The following KCNQ5 variants were observed in gnomAD, a reference collection of about 807,000 sequenced individuals.
The protein encoded by KCNQ5 is potassium voltage-gated channel subfamily KQT member 5.
KCNQ5 carries 30 observed loss-of-function variants against 98.2 expected under a neutral mutation model. The ratio of observed to expected loss-of-function variants is 0.31; its 90% CI spans 0.23 to 0.41. The LOEUF (loss-of-function observed/expected upper bound fraction) is 0.41, where lower values mean the gene tolerates loss of function less well. Ranked by LOEUF, KCNQ5 falls within the 10% of genes least tolerant of loss-of-function variation. The pLI, the probability that KCNQ5 is intolerant of heterozygous loss-of-function variation, is 1.00. For synonymous variants in KCNQ5, 458 were observed against 449.4 expected, an observed-to-expected ratio of 1.02 and a Z score of -0.24; for missense variants, 835 against 1,182.5, an observed-to-expected ratio of 0.71 and a Z score of 4.31.
intron 1 of KCNQ5, among the ~76,000 whole-genome samples, chr6:72,798,190 A>G (rs2154478509): frequency 6.6e-6 from 1 of 152,334 alleles, no homozygotes; most frequent in Non-Finnish European, 1.5e-5. Flanking sequence ...CATGTGCTTG[A>G]AAGTTCATGA....
intron 10 of KCNQ5, among the ~76,000 whole-genome samples, chr6:73,145,042 T>C (rs1776866053): frequency 6.6e-6 from 1 of 152,214 alleles, no homozygotes; most frequent in East Asian, 1.9e-4. Flanking sequence ...ATCCCAGCCA[T>C]TTAAAGCTTA....
chr6:73,122,410 T>C (rs1353511323), intron 8 of KCNQ5, among the ~76,000 whole-genome samples: 1 of 152,200 alleles, frequency 6.6e-6, no homozygotes, highest in African/African-American at 2.4e-5. Context: ...TTTATTCACA[T>C]AAGTTCTTTC....
chr6:72,642,961 A>G lies in KCNQ5; in HGVS notation c.398+20374A>G, dbSNP rs531542500. Among the ~76,000 whole-genome samples the G allele has an allele frequency of 2.6e-5, 4 of 152,336 alleles. No homozygotes were observed. In the East Asian group the frequency reaches 5.8e-4, roughly 22 times the overall value. Reference sequence around the variant, plus strand: ...GAATGAGCTTATATCCTTTGCAGGAACATGGATGGACCTGGAGGCCATCAA... The same window carrying G: ...GAATGAGCTTATATCCTTTGCAGGAGCATGGATGGACCTGGAGGCCATCAA... On this transcript the variant is annotated intron_variant, in intron 1 of 13. Transcript: ENST00000370398.
intron 1 of KCNQ5, among the ~76,000 whole-genome samples, chr6:72,691,109 G>A (rs1768194901): frequency 6.6e-6 from 1 of 152,130 alleles, no homozygotes; most frequent in African/African-American, 2.4e-5. Flanking sequence ...AAATTCAAAA[G>A]GAGTTATAGT....
intron 1 of KCNQ5, among the ~76,000 whole-genome samples, chr6:72,734,371 G>T (rs1219870771): frequency 6.6e-6 from 1 of 152,044 alleles, no homozygotes; most frequent in Non-Finnish European, 1.5e-5. Flanking sequence ...TCCCAGGCTG[G>T]AGTGCAGTGG....
intron 1 of KCNQ5, among the ~76,000 whole-genome samples, chr6:72,798,840 T>A (rs1035386822): frequency 6.6e-6 from 1 of 152,126 alleles, no homozygotes; most frequent in Non-Finnish European, 1.5e-5. Flanking sequence ...TGTATTTGTC[T>A]ACCCTATCTC....
chr6:72,661,284 T>G (rs1766512425), intron 1 of KCNQ5, among the ~76,000 whole-genome samples: 1 of 152,220 alleles, frequency 6.6e-6, no homozygotes, highest in East Asian at 1.9e-4. Flanking sequence ...AACATAATAT[T>G]GACATGAGTT....
intron 1 of KCNQ5, among the ~76,000 whole-genome samples, chr6:72,747,938 CTG>C (rs1007605618): frequency 6.6e-6 from 1 of 152,144 alleles, no homozygotes; most frequent in South Asian, 2.1e-4. Flanking sequence ...CTCTCCCAAA[CTG>C]TAGTTCAGTG....
chr6:73,122,553 G>A (rs1179784182), intron 8 of KCNQ5, among the ~76,000 whole-genome samples: 1 of 152,094 alleles, frequency 6.6e-6, no homozygotes, highest in East Asian at 1.9e-4. Context: ...GAACCATGGG[G>A]CTCAGCTCCA....
chr6:72,988,801 C>A (rs1290582927), intron 1 of KCNQ5, among the ~76,000 whole-genome samples: 1 of 100,104 alleles, frequency 1.0e-5, no homozygotes, highest in African/African-American at 3.9e-5. Context: ...GCTATCCCTC[C>A]CCCCTCCCCC....
At chr6:73,150,952 A>G (rs977409345) in intron 10 of KCNQ5, among the ~76,000 whole-genome samples, 2 of 151,946 alleles carry the variant, frequency 1.3e-5, no homozygotes, top group South Asian at 4.2e-4. Flanking sequence ...GTGTGGCTCT[A>G]AAAGGACAAC....
intron 1 of KCNQ5, among the ~76,000 whole-genome samples, chr6:72,864,101 C>A (rs1341714948): frequency 6.6e-6 from 1 of 152,138 alleles, no homozygotes; most frequent in African/African-American, 2.4e-5. Context: ...GTCATAAATT[C>A]TTGTATCTTA....
intron 3 of KCNQ5, among the ~76,000 whole-genome samples, chr6:73,050,450 T>C (rs1367938339): frequency 6.6e-6 from 1 of 152,166 alleles, no homozygotes; most frequent in Non-Finnish European, 1.5e-5. Context: ...GTTGCAAAAA[T>C]AGTACAGAAT....
intron 1 of KCNQ5, among the ~76,000 whole-genome samples, chr6:72,688,088 C>T (rs879388499): frequency 2.0e-5 from 3 of 152,146 alleles, no homozygotes; most frequent in African/African-American, 4.8e-5. Flanking sequence ...CCACCTGCCT[C>T]GGCCTCCCAA....
chr6:72,966,586 AAG>A (rs1156720688), intron 1 of KCNQ5, among the ~76,000 whole-genome samples: 1 of 151,958 alleles, frequency 6.6e-6, no homozygotes, highest in Non-Finnish European at 1.5e-5. Flanking sequence ...AAGAAAGAAA[AAG>A]AGAGAGAGAA....
chr6:72,973,300 A>G (rs551586907), intron 1 of KCNQ5, among the ~76,000 whole-genome samples: 41 of 23,496 alleles, frequency 1.7e-3, no homozygotes, highest in African/African-American at 6.5e-3. Flanking sequence ...CTCTCAATTT[A>G]CTGTGAACAT....
intron 1 of KCNQ5, among the ~76,000 whole-genome samples, chr6:72,767,851 A>T (rs1772659038): frequency 6.6e-6 from 1 of 152,022 alleles, no homozygotes; most frequent in Non-Finnish European, 1.5e-5. Context: ...GGAGGAAGAT[A>T]TGGAAATACT....
chr6:73,085,635 A>G (rs1378175997), intron 5 of KCNQ5, among the ~76,000 whole-genome samples: 4 of 152,166 alleles, frequency 2.6e-5, no homozygotes, highest in Admixed American at 6.5e-5. Flanking sequence ...GGAACTCCAG[A>G]GTGCTGTTCT....
At chr6:72,759,014 G>A (rs1420284087) in intron 1 of KCNQ5, among the ~76,000 whole-genome samples, 1 of 152,052 alleles carries the variant, frequency 6.6e-6, no homozygotes, top group Non-Finnish European at 1.5e-5. Flanking sequence ...TTTAGTAAAG[G>A]GAAACAAGAT....
Sources: gnomAD v4.1 joint callset for allele counts (sites outside exome capture counted in the v4.1 genomes callset) on GRCh38, gnomAD v4.1.1 for gene constraint, MANE v1.5 for transcripts, NCBI Gene and HGNC (gene_info 2026-07-23, HGNC 2026-07-21) for gene names.